The following MAST2 variants were observed in gnomAD, a reference collection of about 807,000 sequenced individuals.
MAST2 encodes the protein microtubule-associated serine/threonine-protein kinase 2.
MAST2 carries 70 observed loss-of-function variants against 147.4 expected under a neutral mutation model. The observed-to-expected ratio is 0.47, with a 90% CI of 0.39 to 0.58. The LOEUF is 0.58. Among genes scored for constraint, MAST2 ranks in the 20% least tolerant of loss-of-function variants. MAST2 has a pLI of 0.00. For synonymous variants in MAST2, 869 were observed against 896.8 expected (o/e 0.97, Z 0.55); for missense variants, 2,080 against 2,302.3 (o/e 0.90, Z 1.98).
chr1:45,852,923 T>A (rs1645668545), intron 3 of MAST2, among the ~76,000 whole-genome samples: 1 of 152,164 alleles, frequency 6.6e-6, no homozygotes, highest in South Asian at 2.1e-4. Context: ...ATTAACTTTT[T>A]TTTTAAATTA....
At chr1:45,900,244 G>C (rs1372538231) in intron 4 of MAST2, among the ~76,000 whole-genome samples, 1 of 150,764 alleles carries the variant, frequency 6.6e-6, no homozygotes, top group African/African-American at 2.4e-5. Context: ...AGATCAAATG[G>C]TAGTTCTATT....
intron 5 of MAST2, among the ~76,000 whole-genome samples, chr1:45,997,451 G>C (rs901596177): frequency 5.3e-5 from 8 of 152,124 alleles, no homozygotes; most frequent in African/African-American, 9.7e-5. Flanking sequence ...TGAAGTCTCA[G>C]GTGTGTTCCT....
Position 46,034,923 on chromosome 1 carries a change from TGAG to T in MAST2, c.4255_4257del (p.Glu1419del). The T allele has an allele frequency of 6.2e-7, 1 of 1,614,162 alleles. No homozygotes were observed. The highest frequency in any genetic ancestry group is 1.3e-5 in the African/African-American group (1 of 75,066). ...AACTGGCAGCAGCACTTGCCGCCTC[TGAG>T]AAGAAGCTAGCCACTTCTCGCAAGC... is the stretch of plus-strand genomic sequence containing the variant. On this transcript the variant is annotated inframe_deletion, in exon 29 of 29. Coordinates refer to ENST00000361297, the MANE Select transcript of MAST2 (RefSeq NM_015112.3).
At chr1:45,955,858 T>C (rs1659582175) in intron 4 of MAST2, among the ~76,000 whole-genome samples, 1 of 152,204 alleles carries the variant, frequency 6.6e-6, no homozygotes, top group Admixed American at 6.5e-5. Flanking sequence ...GAATTTTAAA[T>C]GGAAGAGGGA....
intron 1 of MAST2, among the ~76,000 whole-genome samples, chr1:45,807,628 G>A (rs931887041): frequency 8.6e-5 from 13 of 150,868 alleles, no homozygotes; most frequent in African/African-American, 2.7e-4. Context: ...TGCAACCTTC[G>A]CCTCCCAGGC....
rs549874012 is a variant in MAST2 at position 45,891,876 on chromosome 1, C to G, written c.500+9481C>G. Among the ~76,000 whole-genome samples, 8 of 152,150 alleles carry G rather than the reference C, an allele frequency of 5.3e-5. No individual in the cohort carries two copies. The East Asian group carries it at 1.4e-3, about 26-fold the overall frequency. On this transcript the variant is annotated intron_variant, in intron 4 of 28. Coordinates refer to ENST00000361297, the MANE Select transcript of MAST2 (RefSeq NM_015112.3). ...GGCCTCTATTATTTGTATTTTGAGGCTAGGAAGGCAAGCCTAAGAAATACC... is the reference window on the plus strand; with the variant it reads ...GGCCTCTATTATTTGTATTTTGAGGGTAGGAAGGCAAGCCTAAGAAATACC...
intron 4 of MAST2, among the ~76,000 whole-genome samples, chr1:45,895,204 A>G (rs1339427635): frequency 6.6e-6 from 1 of 152,144 alleles, no homozygotes; most frequent in African/African-American, 2.4e-5. Context: ...TTTATGTTTC[A>G]GTGTTTCCTT....
rs115475424 is a variant in MAST2, at chr1:45,852,299, C to G, written c.468+22718C>G. On this transcript the variant is annotated intron_variant, in intron 3 of 28. Transcript: ENST00000361297. Reference sequence around the variant, plus strand: ...CTTGGGCTGCCCTTTTATATTTGCACTCCCACCCCGTCTTTATCTTCTTGC... The same window carrying G: ...CTTGGGCTGCCCTTTTATATTTGCAGTCCCACCCCGTCTTTATCTTCTTGC... Among the ~76,000 whole-genome samples, 797 of 152,240 alleles carry G rather than the reference C, an allele frequency of 5.2e-3. 5 individuals are homozygous for G. The highest frequency in any genetic ancestry group is 0.018 in the African/African-American group (758 of 41,542).
chr1:45,981,952 T>TGCCTCA (rs1307820658), intron 5 of MAST2, among the ~76,000 whole-genome samples: 9 of 150,954 alleles, frequency 6.0e-5, no homozygotes, highest in Non-Finnish European at 1.3e-4. Flanking sequence ...GCAATTCCCC[T>TGCCTCA]GCCTCAGCCT....
chr1:45,926,745 ATTTT>A (rs5773898), intron 4 of MAST2, among the ~76,000 whole-genome samples: 1 of 145,904 alleles, frequency 6.9e-6, no homozygotes, highest in Admixed American at 6.9e-5. Flanking sequence ...AGGTTTTTTG[ATTTT>A]TTTTTTTTGT....
rs140841015 is a variant in MAST2, at chr1:45,872,557, C to T, written c.469-9807C>T. Among the ~76,000 whole-genome samples, 609 of 151,622 alleles carry T rather than the reference C, an allele frequency of 4.0e-3. 2 individuals are homozygous for T. Among genetic ancestry groups the T allele is most frequent in the Admixed American group, 0.019 (283 of 15,220 alleles). ...GTGCAATGGGGCAATCTCGGCTCACCGCAACCTCCACTTGCTGGGTTCAAG... is the reference window on the plus strand; with the variant it reads ...GTGCAATGGGGCAATCTCGGCTCACTGCAACCTCCACTTGCTGGGTTCAAG... On this transcript the variant is annotated intron_variant, in intron 3 of 28. Transcript: ENST00000361297.
chr1:46,030,854 A>G, intron 22 of MAST2, 93 bp downstream of exon 22: 1 of 1,478,852 alleles, frequency 6.8e-7, no homozygotes, highest in Non-Finnish European at 9.0e-7. Context: ...GGAGGAGTGC[A>G]GGTGGCAGGG....
At chr1:45,919,640 G>C (rs1207442877) in intron 4 of MAST2, among the ~76,000 whole-genome samples, 1 of 152,162 alleles carries the variant, frequency 6.6e-6, no homozygotes, top group African/African-American at 2.4e-5. Flanking sequence ...ACTAGCGCTT[G>C]GCGTATGAGG....
chr1:45,839,129 ATT>A (rs370950575), intron 3 of MAST2, among the ~76,000 whole-genome samples: 60,930 of 127,634 alleles, frequency 0.48, 13,866 homozygotes, highest in East Asian at 0.66. Context: ...ACCATCACAA[ATT>A]TTTTTTTTTT....
chr1:46,025,127 T>C (rs912222692), intron 15 of MAST2, among the ~76,000 whole-genome samples: 1 of 152,128 alleles, frequency 6.6e-6, no homozygotes, highest in Non-Finnish European at 1.5e-5. Context: ...GAGACCAGCC[T>C]GACCAACATG....
At chr1:45,957,471 T>C (rs1659812171) in intron 4 of MAST2, among the ~76,000 whole-genome samples, 1 of 152,146 alleles carries the variant, frequency 6.6e-6, no homozygotes, top group Non-Finnish European at 1.5e-5. Flanking sequence ...GGTTTAAATA[T>C]GTTATTTGTT....
intron 18 of MAST2, 148 bp from the exon 19 acceptor site, chr1:46,029,318 T>G (rs1206088134): frequency 6.5e-6 from 4 of 613,070 alleles, no homozygotes; most frequent in Non-Finnish European, 1.2e-5. Context: ...CCTATAGAAT[T>G]TAAGGACTGG....
chr1:46,030,916 C>G, intron 22 of MAST2, 91 bp from the exon 23 acceptor site: 1 of 1,506,680 alleles, frequency 6.6e-7, no homozygotes, highest in Non-Finnish European at 8.9e-7. Flanking sequence ...GAGGAAAGTT[C>G]TGTTACTATA....
In MAST2 at chr1:46,034,715, C is replaced by T; in HGVS notation, c.4046C>T (p.Thr1349Ile). ...ATCCCACTGTCACCACTGGCCCACA[C>T]CCCTTCTCCCCCACCCCCAACAGCT... ...GSIPLSPLAH[T>I]PSPPPPTASP... The change falls in exon 29 of 29, where the codon ACC becomes ATC. Residue 1349 changes from threonine (T) to isoleucine (I), a missense_variant. Thr to Ile is a moderately conservative substitution (Grantham distance 89). This residue lies in a region of MAST2 where 1,278 missense variants were observed against 1,304.2 expected (regional missense o/e 0.98). Transcript: ENST00000361297. 6.2e-7 allele frequency: 1 copy of T among 1,614,154 alleles called. No individual in the cohort carries two copies. The highest frequency in any genetic ancestry group is 1.1e-5 in the South Asian group (1 of 91,082).
Sources: allele counts gnomAD v4.1 joint callset (sites outside exome capture counted in the v4.1 genomes callset), GRCh38; gene constraint gnomAD v4.1.1; regional missense constraint gnomAD v4.1.1; transcripts MANE v1.5; gene names NCBI Gene and HGNC (gene_info 2026-07-23, HGNC 2026-07-21).